The following USPL1 variants were observed in gnomAD, a reference collection of about 807,000 sequenced individuals.
USPL1 encodes the protein SUMO-specific isopeptidase USPL1.
Under a neutral mutation model 51.5 loss-of-function variants are expected in USPL1, and 27 were observed. The ratio of observed to expected loss-of-function variants is 0.52; its 90% CI spans 0.39 to 0.72. The LOEUF (loss-of-function observed/expected upper bound fraction) is 0.72, where lower values mean the gene tolerates loss of function less well. USPL1 is among the 30% of genes least tolerant of loss of function. The pLI, the probability that USPL1 is intolerant of heterozygous loss-of-function variation, is 0.00. For missense variants in USPL1, 1,226 were observed against 1,268.0 expected, an observed-to-expected ratio of 0.97 and a Z score of 0.50; for synonymous variants, 451 against 459.6, an observed-to-expected ratio of 0.98 and a Z score of 0.24.
At chr13:30,629,350 C>T (rs1002302052) in intron 3 of USPL1, among the ~76,000 whole-genome samples, 9 of 151,896 alleles carry the variant, frequency 5.9e-5, no homozygotes, top group Admixed American at 1.3e-4. Flanking sequence ...CAGAAAATAC[C>T]GTGGCAGGCG....
At chr13:30,622,030 C>T in intron 3 of USPL1, 138 bp downstream of exon 3, 1 of 549,832 alleles carries the variant, frequency 1.8e-6, no homozygotes, top group Non-Finnish European at 2.7e-6. Context: ...GTAAGTCTGT[C>T]TGGTATACAA....
intron 5 of USPL1, among the ~76,000 whole-genome samples, chr13:30,641,726 G>T (rs1266192671): frequency 6.6e-6 from 1 of 152,214 alleles, no homozygotes; most frequent in Non-Finnish European, 1.5e-5. Flanking sequence ...AGACTGAAAA[G>T]TTAAGAAGAA....
At chr13:30,641,412 A>G (rs948890916) in intron 5 of USPL1, among the ~76,000 whole-genome samples, 1 of 151,726 alleles carries the variant, frequency 6.6e-6, no homozygotes, top group East Asian at 1.9e-4. Context: ...GTTCCTGGCC[A>G]TGTTCCAGGC....
intron 6 of USPL1, 95 bp downstream of exon 6, chr13:30,642,852 G>A: frequency 6.9e-7 from 1 of 1,451,116 alleles, no homozygotes; most frequent in Non-Finnish European, 9.2e-7. Context: ...CAGTTTGCTT[G>A]CTTCTTTAAA....
Position 30,653,208 on chromosome 13 carries a change from C to T in USPL1, c.1299C>T (p.His433=), listed in dbSNP as rs770167673. 8 of 1,612,812 alleles carry T rather than the reference C, an allele frequency of 5.0e-6. No homozygotes were observed. The highest frequency in any genetic ancestry group is 6.8e-6 in the Non-Finnish European group (8 of 1,179,160). The change falls in exon 8 of 9, where the codon CAC becomes CAT. Residue 433 remains histidine, a synonymous_variant. Transcript: ENST00000255304. ...GCTTACCACAGAATGACTTGCAGCA[C>T]TATGCATTTCATTTTGAAGGCTGTC... ...VEGLPQNDLQ[H]YAFHFEGCLY... is the part of the protein sequence containing the mutation.
intron 4 of USPL1, among the ~76,000 whole-genome samples, chr13:30,632,213 GT>G (rs1006018097): frequency 6.6e-6 from 1 of 151,942 alleles, no homozygotes; most frequent in African/African-American, 2.4e-5. Context: ...AGAATATATG[GT>G]GTTTGGTTTT....
rs746604210 is a variant in USPL1, at chr13:30,631,052, C to G, written c.446C>G (p.Thr149Ser). 6.2e-7 allele frequency: 1 copy of G among 1,614,064 alleles called. No individual in the cohort carries two copies. Among genetic ancestry groups the G allele is most frequent in the Admixed American group, 1.7e-5 (1 of 60,020 alleles). The change falls in exon 4 of 9, where the codon ACC (threonine) becomes AGC (serine). Residue 149 changes from threonine to serine, a missense_variant. Transcript: ENST00000255304. ...CATAATGGAGAAGTATATGACGAAA[C>G]CTCGTCAAACTTACCTGATAGTAGT... Reference protein sequence around the residue: ...SKHNGEVYDETSSNLPDSSGQ... With the variant: ...SKHNGEVYDESSSNLPDSSGQ...
intron 5 of USPL1, among the ~76,000 whole-genome samples, chr13:30,638,707 C>T (rs953025864): frequency 9.2e-5 from 14 of 151,474 alleles, no homozygotes; most frequent in Admixed American, 3.9e-4. Flanking sequence ...TTAGTAATAA[C>T]CCATATTATG....
intron 7 of USPL1, among the ~76,000 whole-genome samples, chr13:30,652,562 A>C (rs981298960): frequency 1.3e-5 from 2 of 152,248 alleles, no homozygotes; most frequent in African/African-American, 4.8e-5. Context: ...GTTGTCTTGA[A>C]GTTAATAATA....
chr13:30,659,285 G>A lies in USPL1; in HGVS notation c.3208G>A (p.Ala1070Thr), dbSNP rs762228085. The A allele has an allele frequency of 4.3e-6, 7 of 1,613,820 alleles. No individual in the cohort carries two copies. The Admixed American group carries it at 1.2e-4, about 27-fold the overall frequency. ...DIFDEFFSSS[A>T]LNALANDTLD... is the part of the protein sequence containing the mutation. ...TTTCGATGAGTTTTTTTCCTCCTCA[G>A]CATTAAATGCTTTAGCAAATGACAC... Residue 1070 changes from alanine to threonine, a missense_variant, in exon 9 of 9, where the codon GCA (alanine) becomes ACA (threonine). Coordinates refer to ENST00000255304, the MANE Select transcript of USPL1 (RefSeq NM_005800.5).
At chr13:30,638,787 A>T (rs893251342) in intron 5 of USPL1, among the ~76,000 whole-genome samples, 3 of 151,042 alleles carry the variant, frequency 2.0e-5, no homozygotes, top group Non-Finnish European at 4.4e-5. Context: ...AATGATATTT[A>T]TATTTTATAA....
intron 3 of USPL1, among the ~76,000 whole-genome samples, chr13:30,627,711 C>A (rs1950738962): frequency 6.6e-6 from 1 of 151,692 alleles, no homozygotes; most frequent in Non-Finnish European, 1.5e-5. Context: ...AAAAATTCAT[C>A]AACTTAACCA....
chr13:30,657,707 A>G lies in USPL1; in HGVS notation c.1630A>G (p.Thr544Ala). The change falls in exon 9 of 9, where the codon ACA becomes GCA. Residue 544 changes from threonine to alanine, a missense_variant. Physicochemically the swap from Thr to Ala is moderately conservative, Grantham distance 58. Coordinates refer to ENST00000255304, the MANE Select transcript of USPL1 (RefSeq NM_005800.5). ...CSVGDAASAE[T>A]ASVTHPKDIS... Reference sequence around the variant, plus strand: ...TGTGGGTGATGCTGCCTCAGCTGAAACAGCCTCAGTAACTCACCCTAAAGA... The same window carrying G: ...TGTGGGTGATGCTGCCTCAGCTGAAGCAGCCTCAGTAACTCACCCTAAAGA... 6.2e-7 allele frequency: 1 copy of G among 1,614,206 alleles called. No individual in the cohort carries two copies. Among genetic ancestry groups the G allele is most frequent in the Non-Finnish European group, 8.5e-7 (1 of 1,180,038 alleles).
At chr13:30,619,711 C>G (rs192957178) in intron 1 of USPL1, among the ~76,000 whole-genome samples, 79 of 152,260 alleles carry the variant, frequency 5.2e-4, no homozygotes, top group Admixed American at 2.1e-3. Flanking sequence ...GTGTCTGGAC[C>G]AACATCTGCA....
chr13:30,620,950 T>C (rs542564996), intron 1 of USPL1, 123 bp from the exon 2 acceptor site: 11 of 452,308 alleles, frequency 2.4e-5, no homozygotes, highest in African/African-American at 1.8e-4. Context: ...TTTTAGAATA[T>C]GTTTATTCTA....
chr13:30,655,262 T>C (rs1248706281), intron 8 of USPL1, among the ~76,000 whole-genome samples: 1 of 152,230 alleles, frequency 6.6e-6, no homozygotes, highest in Non-Finnish European at 1.5e-5. Flanking sequence ...ATAAATATTT[T>C]AATTTGGTCT....
intron 3 of USPL1, among the ~76,000 whole-genome samples, chr13:30,629,433 G>A (rs1016296243): frequency 9.9e-5 from 15 of 152,146 alleles, no homozygotes; most frequent in African/African-American, 3.6e-4. Flanking sequence ...GTTGCAGTGA[G>A]CTGGGATCGT....
chr13:30,659,012 A>G lies in USPL1; in HGVS notation c.2935A>G (p.Thr979Ala), dbSNP rs1951215894. The part of the protein sequence containing the change: ...EEILAELLSP[T>A]PVSTELSENG... Reference sequence around the variant, plus strand: ...AATTTTAGCGGAATTATTGTCTCCTACACCTGTTTCAACAGAGCTGTCAGA... The same window carrying G: ...AATTTTAGCGGAATTATTGTCTCCTGCACCTGTTTCAACAGAGCTGTCAGA... Residue 979 changes from threonine to alanine, a missense_variant, in exon 9 of 9, where the codon ACA becomes GCA. Transcript: ENST00000255304. 3 of 1,614,094 alleles carry G rather than the reference A, an allele frequency of 1.9e-6. No homozygotes were observed. Among genetic ancestry groups the G allele is most frequent in the Non-Finnish European group, 2.5e-6 (3 of 1,180,048 alleles).
chr13:30,625,721 G>T (rs1394817123), intron 3 of USPL1, among the ~76,000 whole-genome samples: 1 of 152,030 alleles, frequency 6.6e-6, no homozygotes, highest in Non-Finnish European at 1.5e-5. Context: ...GGGGTTACAG[G>T]TGTGAGCCAC....
Sources: gnomAD v4.1 joint callset for allele counts (sites outside exome capture counted in the v4.1 genomes callset) on GRCh38, gnomAD v4.1.1 for gene constraint, MANE v1.5 for transcripts, NCBI Gene and HGNC (gene_info 2026-07-23, HGNC 2026-07-21) for gene names.